IGSF21: variants seen among roughly 807,000 people sequenced by gnomAD.
IGSF21 encodes the protein immunoglobulin superfamily member 21.
In IGSF21, 28 loss-of-function variants were observed where a neutral mutation model predicts 46.8. That is an observed-to-expected ratio of 0.60 (90% CI 0.44 to 0.82). The LOEUF is 0.82. Among genes scored for constraint, IGSF21 ranks in the 40% least tolerant of loss-of-function variants. The probability of loss-of-function intolerance (pLI) is 0.00; values close to 1 mark genes in which losing one functional copy is unlikely to be tolerated. For synonymous variants in IGSF21, 284 were observed against 273.6 expected (o/e 1.04, Z -0.38); for missense variants, 624 against 665.5 (o/e 0.94, Z 0.69).
At chr1:18,260,832 C>A (rs1032844909) in intron 2 of IGSF21, among the ~76,000 whole-genome samples, 4 of 152,210 alleles carry the variant, frequency 2.6e-5, no homozygotes, top group Non-Finnish European at 4.4e-5. Context: ...AGTCCCACCT[C>A]CTACCTCATT....
chr1:18,147,597 T>A (rs1476760890), intron 1 of IGSF21, among the ~76,000 whole-genome samples: 4 of 152,154 alleles, frequency 2.6e-5, no homozygotes, highest in African/African-American at 9.7e-5. Flanking sequence ...CTTGCTAGCA[T>A]TAATAATTTT....
intron 1 of IGSF21, among the ~76,000 whole-genome samples, chr1:18,214,051 G>A (rs2084418782): frequency 6.6e-6 from 1 of 152,100 alleles, no homozygotes; most frequent in Admixed American, 6.5e-5. Context: ...GCCTTCCCAA[G>A]TCTTATTAAT....
chr1:18,358,566 G>A (rs146644063), intron 4 of IGSF21, among the ~76,000 whole-genome samples: 92 of 152,320 alleles, frequency 6.0e-4, no homozygotes, highest in South Asian at 1.2e-3. Flanking sequence ...TCACTAAACT[G>A]TGAATGCTCC....
Position 18,365,411 on chromosome 1 carries a change from G to T in IGSF21, c.729G>T (p.Thr243=). The change falls in exon 6 of 10, where the codon ACG becomes ACT. Residue 243 remains threonine, a synonymous_variant. Coordinates refer to ENST00000251296, the MANE Select transcript of IGSF21 (RefSeq NM_032880.5). This position sits in a 1 kb window ranked among gnomAD's most constrained non-coding sequence, Gnocchi z 4.8. ...DAENRGGRPY[T]ERPSRGLTPD... is the part of the protein sequence containing the mutation. The stretch of plus-strand genomic sequence containing the variant: ...AGAACCGGGGTGGGCGACCCTACAC[G>T]GAGCGCCCCTCCCGTGGCCTGACCC... 6.2e-7 allele frequency: 1 copy of T among 1,613,752 alleles called. No individual in the cohort carries two copies. Among genetic ancestry groups the T allele is most frequent in the Non-Finnish European group, 8.5e-7 (1 of 1,179,960 alleles).
At chr1:18,221,259 T>C (rs1164287352) in intron 1 of IGSF21, among the ~76,000 whole-genome samples, 1 of 152,154 alleles carries the variant, frequency 6.6e-6, no homozygotes, top group Non-Finnish European at 1.5e-5. Flanking sequence ...GGGTGAAAAC[T>C]CATCTCGGTT....
intron 1 of IGSF21, among the ~76,000 whole-genome samples, chr1:18,160,547 TTTTCTGGTTTAAGTCATAATTTC>T (rs1161922645): frequency 5.1e-4 from 63 of 122,926 alleles, no homozygotes; most frequent in Admixed American, 1.7e-3. Flanking sequence ...AACTTGTGTG[TTTTCTGGTTTAAGTCATAATTTC>T]TTTTCTGGTA....
chr1:18,314,853 G>A (rs575981683), intron 3 of IGSF21, among the ~76,000 whole-genome samples: 4 of 152,294 alleles, frequency 2.6e-5, no homozygotes, highest in South Asian at 4.1e-4. Flanking sequence ...CTGGATGGGC[G>A]GATGACATCC....
intron 2 of IGSF21, among the ~76,000 whole-genome samples, chr1:18,253,972 G>T (rs2084866316): frequency 6.6e-6 from 1 of 152,168 alleles, no homozygotes; most frequent in South Asian, 2.1e-4. Flanking sequence ...GAGGCTGAGG[G>T]GCTAATCCTC....
intron 3 of IGSF21, among the ~76,000 whole-genome samples, chr1:18,311,910 A>G (rs1241745915): frequency 6.6e-6 from 1 of 152,184 alleles, no homozygotes; most frequent in Non-Finnish European, 1.5e-5. Flanking sequence ...ACAATTCAAG[A>G]TGAAATCTGT....
At chr1:18,212,648 T>C (rs2084404027) in intron 1 of IGSF21, among the ~76,000 whole-genome samples, 1 of 152,200 alleles carries the variant, frequency 6.6e-6, no homozygotes, top group Admixed American at 6.5e-5. Context: ...GGTTTCCCTA[T>C]TGCTGACTGC....
chr1:18,199,493 A>C (rs1419015017), intron 1 of IGSF21, among the ~76,000 whole-genome samples: 1 of 152,140 alleles, frequency 6.6e-6, no homozygotes, highest in Non-Finnish European at 1.5e-5. Flanking sequence ...CGGCTCTTGA[A>C]GTGCCCTCAC....
At chr1:18,277,901 G>A (rs1327179737) in intron 2 of IGSF21, among the ~76,000 whole-genome samples, 1 of 152,164 alleles carries the variant, frequency 6.6e-6, no homozygotes, top group African/African-American at 2.4e-5. Context: ...GAATTTTCTG[G>A]AGTAATGGTA....
chr1:18,302,554 T>A (rs560145235), intron 3 of IGSF21, among the ~76,000 whole-genome samples: 9 of 152,182 alleles, frequency 5.9e-5, no homozygotes, highest in Non-Finnish European at 1.0e-4. Flanking sequence ...CTCTCCCCCC[T>A]TTCCAAGAGC....
chr1:18,212,699 C>T (rs528129578), intron 1 of IGSF21, among the ~76,000 whole-genome samples: 1 of 152,324 alleles, frequency 6.6e-6, no homozygotes, highest in East Asian at 1.9e-4. Context: ...CCCCTCTGCT[C>T]AACATGCCCC....
chr1:18,262,386 A>G (rs549286359), intron 2 of IGSF21, among the ~76,000 whole-genome samples: 13 of 152,340 alleles, frequency 8.5e-5, no homozygotes, highest in Middle Eastern at 6.8e-3. Context: ...CATCTGCTGC[A>G]AGCTCAGAGG....
intron 4 of IGSF21, among the ~76,000 whole-genome samples, chr1:18,358,313 G>A (rs544261419): frequency 1.3e-5 from 2 of 152,096 alleles, no homozygotes; most frequent in East Asian, 1.9e-4. Flanking sequence ...ATTAAGATAA[G>A]TTTAAAAAAG....
chr1:18,175,588 T>C (rs2086787602), intron 1 of IGSF21, among the ~76,000 whole-genome samples: 1 of 152,076 alleles, frequency 6.6e-6, no homozygotes, highest in South Asian at 2.1e-4. Flanking sequence ...TGGTGGGAAG[T>C]GACCCGGGAA....
At chr1:18,145,211 A>G (rs59037367) in intron 1 of IGSF21, among the ~76,000 whole-genome samples, 55,300 of 134,398 alleles carry the variant, frequency 0.41, 10,567 homozygotes, top group East Asian at 0.68. Context: ...ATATTTTTTA[A>G]AAAGTTATCC....
Position 18,376,958 on chromosome 1 carries a change from C to T in IGSF21, c.1260C>T (p.Gly420=). The T allele has an allele frequency of 6.2e-7, 1 of 1,601,406 alleles. No homozygotes were observed. Among genetic ancestry groups the T allele is most frequent in the Non-Finnish European group, 8.5e-7 (1 of 1,169,992 alleles). The change falls in exon 8 of 10, where the codon GGC becomes GGT. Residue 420 remains glycine, a synonymous_variant. Coordinates refer to ENST00000251296, the MANE Select transcript of IGSF21 (RefSeq NM_032880.5). ...MYRCTAQNPL[G]STDTHTRLIV... is the part of the protein sequence containing the mutation. ...GCTGCACCGCCCAGAACCCACTGGG[C>T]TCCACCGACACGCACACCCGGCTCA...
Sources: allele counts gnomAD v4.1 joint callset (sites outside exome capture counted in the v4.1 genomes callset), GRCh38; gene constraint gnomAD v4.1.1; non-coding constraint Gnocchi (gnomAD v3.1); transcripts MANE v1.5; gene names NCBI Gene and HGNC (gene_info 2026-07-23, HGNC 2026-07-21).